The following ANKRD26 variants were observed in gnomAD, a reference collection of about 807,000 sequenced individuals.
ANKRD26 encodes the protein ankyrin repeat domain 26.
In ANKRD26, 141 loss-of-function variants were observed where a neutral mutation model predicts 208.7. The ratio of observed to expected loss-of-function variants is 0.68; its 90% CI spans 0.59 to 0.78. The LOEUF (loss-of-function observed/expected upper bound fraction) is 0.78. Ranked by LOEUF, ANKRD26 falls within the 30% of genes least tolerant of loss-of-function variation. The pLI is 0.00. For synonymous variants in ANKRD26, 636 were observed against 660.4 expected, an observed-to-expected ratio of 0.96 and a Z score of 0.57; for missense variants, 1,889 against 1,938.7, an observed-to-expected ratio of 0.97 and a Z score of 0.48.
At chr10:27,067,126 GA>G in intron 10 of ANKRD26, 30 bp downstream of exon 10, 1 of 1,607,366 alleles carries the variant, frequency 6.2e-7, no homozygotes, top group Non-Finnish European at 8.5e-7. Flanking sequence ...CTTAAGGATA[GA>G]AAAATATTCA....
At chr10:27,095,993 C>T (rs1370120663) in intron 1 of ANKRD26, among the ~76,000 whole-genome samples, 1 of 150,108 alleles carries the variant, frequency 6.7e-6, no homozygotes, top group Non-Finnish European at 1.5e-5. Flanking sequence ...CTCCCACCAA[C>T]AGCTCTCATA....
Position 27,035,414 on chromosome 10 carries a change from T to C in ANKRD26, c.3036A>G (p.Arg1012=), listed in dbSNP as rs748522634. 1 of 1,614,038 alleles carries C rather than the reference T, an allele frequency of 6.2e-7. No individual in the cohort carries two copies. The highest frequency in any genetic ancestry group is 8.5e-7 in the Non-Finnish European group (1 of 1,179,948). The part of the protein sequence containing the change: ...LEAEVESYHS[R]LAAAIHDRDQ... ...CACGATCATGTATAGCAGCAGCCAATCTAGAATGGTATGATTCAACTTCTG... is the reference window on the plus strand; with the variant it reads ...CACGATCATGTATAGCAGCAGCCAACCTAGAATGGTATGATTCAACTTCTG... The change falls in exon 24 of 34, where the codon AGA becomes AGG. Residue 1012 remains arginine (R), a synonymous_variant. Coordinates refer to ENST00000376087, the MANE Select transcript of ANKRD26 (RefSeq NM_014915.3).
At chr10:27,063,372 G>A (rs1244482848) in intron 12 of ANKRD26, among the ~76,000 whole-genome samples, 1 of 151,860 alleles carries the variant, frequency 6.6e-6, no homozygotes, top group Non-Finnish European at 1.5e-5. Flanking sequence ...CCAGGATGGA[G>A]TGCAGTGACG....
chr10:26,997,781 C>T (rs2052627022), intron 4 of ANKRD26, among the ~76,000 whole-genome samples: 1 of 152,194 alleles, frequency 6.6e-6, no homozygotes, highest in Non-Finnish European at 1.5e-5. Context: ...TGCTAAACCG[C>T]CACAGCTGTG....
At chr10:27,094,185 C>T (rs961146064) in intron 1 of ANKRD26, among the ~76,000 whole-genome samples, 1 of 152,102 alleles carries the variant, frequency 6.6e-6, no homozygotes, top group African/African-American at 2.4e-5. Context: ...CTGAGGCCTC[C>T]CCAACCAGGC....
chr10:27,088,732 A>G lies in ANKRD26; in HGVS notation c.639-2123T>C, dbSNP rs368090671. ...AGAATGTAAAGGGGCTTTGGAGTAC[A>G]TTCCTGGTAGCAAAGAAAAAAAGAA... On this transcript the variant is annotated intron_variant, in intron 4 of 33. Coordinates refer to ENST00000376087, the MANE Select transcript of ANKRD26 (RefSeq NM_014915.3). Among the ~76,000 whole-genome samples the G allele has an allele frequency of 1.8e-4, 27 of 152,320 alleles. No individual in the cohort carries two copies. The East Asian group carries it at 3.3e-3, about 18-fold the overall frequency.
At chr10:27,088,281 C>G (rs1210580656) in intron 4 of ANKRD26, 1 of 152,204 alleles carries the variant, frequency 6.6e-6, no homozygotes, top group African/African-American at 2.4e-5. Flanking sequence ...CTTTGACTCA[C>G]ACTGTTAGCA....
chr10:27,026,429 T>C (rs1380023358), intron 27 of ANKRD26, among the ~76,000 whole-genome samples: 3 of 152,228 alleles, frequency 2.0e-5, no homozygotes, highest in South Asian at 2.1e-4. Context: ...TATCAATATA[T>C]TGTCATGTCA....
chr10:27,043,130 T>C (rs2054318002), intron 20 of ANKRD26, among the ~76,000 whole-genome samples: 1 of 141,258 alleles, frequency 7.1e-6, no homozygotes, highest in Admixed American at 7.0e-5. Context: ...CTTCAAAAGA[T>C]ACCATTAACA....
At chr10:27,025,425 C>A (rs1414006425) in intron 27 of ANKRD26, among the ~76,000 whole-genome samples, 1 of 152,142 alleles carries the variant, frequency 6.6e-6, no homozygotes, top group East Asian at 1.9e-4. Context: ...CTGCCTCAGC[C>A]TCCTAAAGCA....
At chr10:26,961,209 C>T in the ANKRD26 span, among the ~76,000 whole-genome samples, 1 of 121,896 alleles carries the variant, frequency 8.2e-6, no homozygotes, top group African/African-American at 2.6e-5. Context: ...AAGCGAGAAT[C>T]CATCTAAAAA....
intron 3 of ANKRD26, among the ~76,000 whole-genome samples, chr10:26,984,223 A>T (rs74128513): frequency 0.054 from 8,212 of 152,246 alleles, 474 homozygotes; most frequent in East Asian, 0.17. Flanking sequence ...ATAATGGCTA[A>T]TACACAATAA....
At chr10:26,965,929 T>C in the ANKRD26 span, among the ~76,000 whole-genome samples, 1 of 152,074 alleles carries the variant, frequency 6.6e-6, no homozygotes, top group Non-Finnish European at 1.5e-5. Context: ...CAAATCACAA[T>C]GAGATACCAT....
chr10:27,097,646 TTTTG>T (rs2056512679), intron 1 of ANKRD26, among the ~76,000 whole-genome samples: 1 of 110,362 alleles, frequency 9.1e-6, no homozygotes, highest in African/African-American at 3.5e-5. Flanking sequence ...CTTTTTTTTG[TTTTG>T]TTTTGTTTTG....
intron 3 of ANKRD26, among the ~76,000 whole-genome samples, chr10:27,092,985 A>G (rs2056348057): frequency 6.6e-6 from 1 of 152,112 alleles, no homozygotes. Flanking sequence ...CAGGAGGCTG[A>G]GGCAGGAGAA....
At chr10:27,032,639 AAAAAAACAAAAAAC>A (rs1204935768) in intron 25 of ANKRD26, among the ~76,000 whole-genome samples, 3 of 151,426 alleles carry the variant, frequency 2.0e-5, no homozygotes, top group Non-Finnish European at 4.4e-5. Context: ...CTGTCTCAAA[AAAAAAACAAAAAAC>A]AAAAAACAAA....
chr10:27,073,997 AG>A (rs1050940231), intron 9 of ANKRD26, among the ~76,000 whole-genome samples: 42 of 152,282 alleles, frequency 2.8e-4, no homozygotes, highest in African/African-American at 9.9e-4. Context: ...CACATCCTCA[AG>A]GGGGGAAAAA....
intron 9 of ANKRD26, chr10:27,076,912 C>A: frequency 5.9e-6 from 1 of 169,654 alleles, no homozygotes; most frequent in Non-Finnish European, 1.3e-5. Context: ...TAAATTCTAC[C>A]AGACATTCAA....
chr10:26,993,151 T>C (rs572285376), intron 5 of ANKRD26, among the ~76,000 whole-genome samples: 1 of 152,318 alleles, frequency 6.6e-6, no homozygotes, highest in African/African-American at 2.4e-5. Context: ...CCAGCAAGAC[T>C]GTAAGTGAAA....
Sources: gnomAD v4.1 joint callset for allele counts (sites outside exome capture counted in the v4.1 genomes callset) on GRCh38, gnomAD v4.1.1 for gene constraint, MANE v1.5 for transcripts, NCBI Gene and HGNC (gene_info 2026-07-23, HGNC 2026-07-21) for gene names.